ZC3HC1: variants seen among roughly 807,000 people sequenced by gnomAD.
ZC3HC1 encodes the protein zinc finger C3HC-type containing 1.
Under a neutral mutation model 61.9 loss-of-function variants are expected in ZC3HC1, and 38 were observed. That is an observed-to-expected ratio of 0.61 (90% CI 0.47 to 0.81). The LOEUF is 0.81. Among genes scored for constraint, ZC3HC1 ranks in the 30% least tolerant of loss-of-function variants. ZC3HC1 has a pLI of 0.00. For synonymous variants in ZC3HC1, 213 were observed against 229.9 expected (o/e 0.93, Z 0.67); for missense variants, 554 against 622.7 (o/e 0.89, Z 1.17).
chr7:130,051,310 A>C lies in ZC3HC1; in HGVS notation c.57T>G (p.Gly19=). The stretch of plus-strand genomic sequence containing the variant: ...TCCCTTCTGGGGAGCGAACTACTGC[A>C]CCCCAATTCTTTTCAACCCCTACGG... ...AFAVGVEKNW[G]AVVRSPEGTP... is the part of the protein sequence containing the mutation. Residue 19 remains glycine, a synonymous_variant, in exon 1 of 10, where the codon GGT becomes GGG. Coordinates refer to ENST00000358303, the MANE Select transcript of ZC3HC1 (RefSeq NM_016478.5). 6.2e-7 allele frequency: 1 copy of C among 1,612,696 alleles called. No individual in the cohort carries two copies. Among genetic ancestry groups the C allele is most frequent in the South Asian group, 1.1e-5 (1 of 90,846 alleles).
chr7:130,037,690 T>C (rs963136515), intron 4 of ZC3HC1, among the ~76,000 whole-genome samples: 1 of 152,192 alleles, frequency 6.6e-6, no homozygotes, highest in African/African-American at 2.4e-5. Flanking sequence ...TCTGGTTATT[T>C]TCAATCTATT....
At chr7:130,039,344 C>CAAA in intron 4 of ZC3HC1, 120 bp downstream of exon 4, 8 of 679,046 alleles carry the variant, frequency 1.2e-5, no homozygotes, top group South Asian at 2.3e-5. Flanking sequence ...AACTCCATCT[C>CAAA]AAAAAAAAAA....
chr7:130,040,895 C>A, intron 3 of ZC3HC1, 56 bp downstream of exon 3: 16 of 1,439,872 alleles, frequency 1.1e-5, no homozygotes, highest in South Asian at 8.0e-5. Flanking sequence ...CCCCAGAAAA[C>A]CAGGATAGTA....
chr7:130,018,836 A>C, intron 9 of ZC3HC1, 104 bp from the exon 10 acceptor site: 1 of 1,031,900 alleles, frequency 9.7e-7, no homozygotes, highest in South Asian at 1.7e-5. Context: ...ACTAAGTAAA[A>C]ATTCATTTTG....
At chr7:130,025,657 A>G (rs929243755) in intron 6 of ZC3HC1, among the ~76,000 whole-genome samples, 1 of 152,010 alleles carries the variant, frequency 6.6e-6, no homozygotes, top group African/African-American at 2.4e-5. Context: ...ACACGAGGTC[A>G]GGAGATCAAG....
chr7:130,035,736 C>A (rs937788309), intron 4 of ZC3HC1, among the ~76,000 whole-genome samples: 4 of 152,156 alleles, frequency 2.6e-5, no homozygotes, highest in Non-Finnish European at 5.9e-5. Context: ...CCCGCCTTGG[C>A]CTTCCAGACT....
At position 130,024,461 on chromosome 7, in the gene ZC3HC1, T is replaced by A. The variant is rs753453058; in HGVS notation, c.822A>T (p.Gln274His). The stretch of plus-strand genomic sequence containing the variant: ...CCCAGAGCCCCACCTTCCTCATACA[T>A]TGCGAACATGTTATCAGGGAGAGCT... ...SMQLSLITCS[Q>H]CMRKVGLWGF... The change falls in exon 7 of 10, where the codon CAA becomes CAT. Residue 274 changes from glutamine (Q) to histidine (H), a missense_variant. Coordinates refer to ENST00000358303, the MANE Select transcript of ZC3HC1 (RefSeq NM_016478.5). The A allele has an allele frequency of 1.2e-5, 19 of 1,613,850 alleles. No homozygotes were observed. Among genetic ancestry groups the A allele is most frequent in the Non-Finnish European group, 1.7e-6 (2 of 1,179,948 alleles).
intron 2 of ZC3HC1, among the ~76,000 whole-genome samples, chr7:130,042,594 C>T (rs1425724042): frequency 1.3e-5 from 2 of 152,186 alleles, no homozygotes; most frequent in Non-Finnish European, 2.9e-5. Context: ...ATGTGTTTTA[C>T]ACAGCTAAAA....
At chr7:130,034,458 C>A (rs961088595) in intron 4 of ZC3HC1, among the ~76,000 whole-genome samples, 4 of 121,880 alleles carry the variant, frequency 3.3e-5, no homozygotes, top group African/African-American at 1.2e-4. Context: ...GCACTCTAGC[C>A]TGGGCGACAG....
intron 2 of ZC3HC1, 83 bp downstream of exon 2, chr7:130,048,950 G>A (rs2116783656): frequency 3.1e-6 from 3 of 981,578 alleles, no homozygotes; most frequent in Non-Finnish European, 4.3e-6. Context: ...TAAGTTTAAA[G>A]CATCACAGTA....
intron 9 of ZC3HC1, among the ~76,000 whole-genome samples, 193 bp downstream of exon 9, chr7:130,022,126 G>A (rs1026387257): frequency 3.3e-5 from 5 of 152,122 alleles, no homozygotes; most frequent in African/African-American, 1.2e-4. Context: ...AGCTGAGATC[G>A]TGCCATTGGA....
At chr7:130,019,842 G>C (rs1793559626) in intron 9 of ZC3HC1, among the ~76,000 whole-genome samples, 1 of 124,460 alleles carries the variant, frequency 8.0e-6, no homozygotes, top group African/African-American at 3.1e-5. Flanking sequence ...TTTTGAGACA[G>C]GTCTCGCTCT....
chr7:130,051,027 T>A (rs546540890), intron 1 of ZC3HC1, among the ~76,000 whole-genome samples, 194 bp downstream of exon 1: 1 of 152,290 alleles, frequency 6.6e-6, no homozygotes, highest in African/African-American at 2.4e-5. Flanking sequence ...TCGGCTGCGG[T>A]TGGGAATCTG....
intron 4 of ZC3HC1, among the ~76,000 whole-genome samples, chr7:130,034,749 G>C (rs547253106): frequency 6.6e-6 from 1 of 152,180 alleles, no homozygotes; most frequent in South Asian, 2.1e-4. Flanking sequence ...CCTTGGCCCT[G>C]CAAAACACTG....
chr7:130,047,801 T>A (rs1794925405), intron 2 of ZC3HC1, among the ~76,000 whole-genome samples: 1 of 152,322 alleles, frequency 6.6e-6, no homozygotes, highest in Non-Finnish European at 1.5e-5. Flanking sequence ...CTTATATTCA[T>A]GCCCTTGTGT....
intron 4 of ZC3HC1, among the ~76,000 whole-genome samples, chr7:130,037,931 A>C (rs945791760): frequency 6.6e-6 from 1 of 152,198 alleles, no homozygotes; most frequent in African/African-American, 2.4e-5. Flanking sequence ...TTTACTCAGC[A>C]GGAATATGCC....
rs1794364025 is a variant in ZC3HC1, at chr7:130,034,713, A to C, written c.493+4751T>G. On this transcript the variant is annotated intron_variant, in intron 4 of 9. Transcript: ENST00000358303. ...GACAGGGTGCCCAGCCTGGTCCCAA[A>C]CTCCTGGCCGCAAGTGATCCTCCCA... is the stretch of plus-strand genomic sequence containing the variant. Among the ~76,000 whole-genome samples the C allele has an allele frequency of 2.0e-5, 3 of 151,262 alleles. No individual in the cohort carries two copies. The South Asian group carries it at 6.3e-4, about 32-fold the overall frequency.
Position 130,049,062 on chromosome 7 carries a change from C to T in ZC3HC1, c.229G>A (p.Ala77Thr), listed in dbSNP as rs1485159808. 11 of 1,607,174 alleles carry T rather than the reference C, an allele frequency of 6.8e-6. No individual in the cohort carries two copies. In the South Asian group the frequency reaches 1.1e-4, roughly 16 times the overall value. Residue 77 changes from alanine (A) to threonine (T), a missense_variant, in exon 2 of 10, where the codon GCC (alanine) becomes ACC (threonine). Physicochemically the swap from Ala to Thr is moderately conservative, Grantham distance 58 (BLOSUM62 0). Transcript: ENST00000358303. ...QPSLESTSKE[A>T]FFSRVETFSS... ...AATGTTTCCACTCTGCTAAAGAAGGCTTCTTTGCTTGTAGATTCCAATGAA... is the reference window on the plus strand; with the variant it reads ...AATGTTTCCACTCTGCTAAAGAAGGTTTCTTTGCTTGTAGATTCCAATGAA...
In ZC3HC1 at chr7:130,041,148, GTGTGTA is replaced by G. The variant is rs754423427; in HGVS notation, c.259-53_259-48del. 3.1e-5 allele frequency: 42 copies of G among 1,366,962 alleles called. No individual in the cohort carries two copies. In the African/African-American group the frequency reaches 6.0e-4, roughly 19 times the overall value. 84.7% of individuals were successfully genotyped at this position (1,366,962 alleles called of 1,614,324 possible). A position where few individuals can be genotyped will look rare whatever the true frequency, so the allele number is the denominator to read the frequency against. ...ACACAGCAAATATATATATATATGT[GTGTGTA>G]TGTGTGTGTGTGTGTGTGTGTGTAT... On this transcript the variant is annotated intron_variant, in intron 2 of 9. Coordinates refer to ENST00000358303, the MANE Select transcript of ZC3HC1 (RefSeq NM_016478.5).
Sources: allele counts gnomAD v4.1 joint callset (sites outside exome capture counted in the v4.1 genomes callset), GRCh38; gene constraint gnomAD v4.1.1; transcripts MANE v1.5; gene names NCBI Gene and HGNC (gene_info 2026-07-23, HGNC 2026-07-21).